The following ARMH3 variants were observed in gnomAD, a reference collection of about 807,000 sequenced individuals.
The protein encoded by ARMH3 is armadillo like helical domain containing 3.
In ARMH3, 60 loss-of-function variants were observed where a neutral mutation model predicts 99.1. That is an observed-to-expected ratio of 0.61 (90% CI 0.49 to 0.75). The LOEUF is 0.75. Among genes scored for constraint, ARMH3 ranks in the 30% least tolerant of loss-of-function variants. ARMH3 has a pLI of 0.00. For missense variants in ARMH3, 679 were observed against 843.1 expected, an observed-to-expected ratio of 0.81 and a Z score of 2.41; for synonymous variants, 285 against 292.8, an observed-to-expected ratio of 0.97 and a Z score of 0.27.
At chr10:101,955,168 T>C (rs1216457442) in intron 22 of ARMH3, among the ~76,000 whole-genome samples, 3 of 152,180 alleles carry the variant, frequency 2.0e-5, no homozygotes, top group African/African-American at 7.2e-5. Flanking sequence ...AGAGTTCTTA[T>C]GTAAGGCTGC....
chr10:102,021,019 T>A (rs1008211141), intron 8 of ARMH3, among the ~76,000 whole-genome samples: 2 of 152,182 alleles, frequency 1.3e-5, no homozygotes, highest in Non-Finnish European at 2.9e-5. Flanking sequence ...TCATGTTTCA[T>A]GAAGATCAAC....
rs1394012911 is a variant in ARMH3, at chr10:102,040,049, C to T, written c.66G>A (p.Lys22=). 6.2e-7 allele frequency: 1 copy of T among 1,614,160 alleles called. No individual in the cohort carries two copies. The highest frequency in any genetic ancestry group is 1.3e-5 in the African/African-American group (1 of 75,038). The stretch of plus-strand genomic sequence containing the variant: ...CATCATACATCAGCACCACTTTTTC[C>T]TTCAGTGGTTTTTTGGAGGCTGAAG... ...RKSSASKKPL[K]EKVVLMYDEI... is the part of the protein sequence containing the mutation. The change falls in exon 2 of 26, where the codon AAG becomes AAA. Residue 22 remains lysine, a synonymous_variant. Transcript: ENST00000370033.
chr10:102,001,690 CT>C (rs1311745456), intron 15 of ARMH3, among the ~76,000 whole-genome samples: 1 of 152,178 alleles, frequency 6.6e-6, no homozygotes, highest in Non-Finnish European at 1.5e-5. Context: ...TCTGCATCTA[CT>C]TACCAAGATC....
At chr10:101,905,479 C>CAG (rs1371345489) in intron 23 of ARMH3, among the ~76,000 whole-genome samples, 1 of 152,160 alleles carries the variant, frequency 6.6e-6, no homozygotes, top group Non-Finnish European at 1.5e-5. Flanking sequence ...CATTCTCTCT[C>CAG]AAAGAATCCA....
At chr10:102,053,214 TAAAAAAAA>T (rs1191838493) in intron 1 of ARMH3, among the ~76,000 whole-genome samples, 12 of 49,008 alleles carry the variant, frequency 2.4e-4, no homozygotes, top group African/African-American at 3.2e-4. Flanking sequence ...CCTCAGAAGC[TAAAAAAAA>T]AAAAAAAAAA....
chr10:101,852,189 G>A (rs1228565629), intron 24 of ARMH3, among the ~76,000 whole-genome samples: 2 of 152,246 alleles, frequency 1.3e-5, no homozygotes, highest in South Asian at 2.1e-4. Context: ...CAAACATCAT[G>A]CTAAAGTCAA....
chr10:101,981,365 T>C (rs1846226455), intron 19 of ARMH3, among the ~76,000 whole-genome samples: 1 of 152,120 alleles, frequency 6.6e-6, no homozygotes, highest in South Asian at 2.1e-4. Context: ...GGCTCACGCC[T>C]GTAATCCTAG....
intron 24 of ARMH3, 26 bp from the exon 25 acceptor site, chr10:101,849,918 G>A (rs780997673): frequency 1.9e-6 from 3 of 1,602,950 alleles, no homozygotes; most frequent in South Asian, 1.1e-5. Context: ...GGCCAGGCAG[G>A]GCTTAGGCCA....
chr10:102,011,657 T>C, intron 11 of ARMH3, 66 bp downstream of exon 11: 3 of 1,364,216 alleles, frequency 2.2e-6, no homozygotes, highest in Non-Finnish European at 3.1e-6. Flanking sequence ...GGAGCCCGAT[T>C]TGTCCACCCC....
At chr10:101,966,125 CAG>C (rs1845526598) in intron 20 of ARMH3, among the ~76,000 whole-genome samples, 1 of 123,602 alleles carries the variant, frequency 8.1e-6, no homozygotes, top group Non-Finnish European at 1.6e-5. Context: ...TTTTTTTAGA[CAG>C]AGTCTCACTC....
chr10:101,857,722 C>G (rs1015713092), intron 24 of ARMH3, among the ~76,000 whole-genome samples: 1 of 152,230 alleles, frequency 6.6e-6, no homozygotes, highest in African/African-American at 2.4e-5. Flanking sequence ...ATGACCTACT[C>G]AGGGCATTGC....
chr10:101,969,169 T>C (rs1388643711), intron 20 of ARMH3, among the ~76,000 whole-genome samples: 1 of 152,168 alleles, frequency 6.6e-6, no homozygotes, highest in East Asian at 1.9e-4. Flanking sequence ...GATACTCTCT[T>C]CAAAACTAAA....
chr10:101,850,090 C>CTCTCT (rs752507279), intron 24 of ARMH3, among the ~76,000 whole-genome samples, 198 bp from the exon 25 acceptor site: 2 of 91,308 alleles, frequency 2.2e-5, no homozygotes, highest in African/African-American at 4.6e-5. Context: ...CTCTCTCTCT[C>CTCTCT]TTTTTTTTTT....
chr10:101,849,958 T>G (rs2066551128), intron 24 of ARMH3, 66 bp from the exon 25 acceptor site: 2 of 1,426,424 alleles, frequency 1.4e-6, no homozygotes, highest in Non-Finnish European at 9.8e-7. Flanking sequence ...AGCCCCATTC[T>G]GCTGATCTAC....
chr10:101,864,078 A>AACAT (rs2066939650), intron 24 of ARMH3, among the ~76,000 whole-genome samples: 2 of 106,284 alleles, frequency 1.9e-5, no homozygotes, highest in African/African-American at 6.8e-5. Context: ...AAAAAAAAAA[A>AACAT]ACACACACAC....
At chr10:101,886,962 AC>A (rs1338569870) in intron 24 of ARMH3, among the ~76,000 whole-genome samples, 1 of 152,224 alleles carries the variant, frequency 6.6e-6, no homozygotes, top group African/African-American at 2.4e-5. Context: ...TCTGCTGCTA[AC>A]AACTGCAGGG....
At chr10:101,929,697 T>TG (rs1417992919) in intron 23 of ARMH3, among the ~76,000 whole-genome samples, 1 of 151,882 alleles carries the variant, frequency 6.6e-6, no homozygotes, top group Admixed American at 6.6e-5. Flanking sequence ...CAAAAAATAG[T>TG]GAAAAAAAAT....
At chr10:102,010,081 T>A in intron 11 of ARMH3, 58 bp from the exon 12 acceptor site, 1 of 1,528,256 alleles carries the variant, frequency 6.5e-7, no homozygotes, top group Non-Finnish European at 9.0e-7. Flanking sequence ...AGGAGCTTTA[T>A]GCCTAGGAAG....
At chr10:102,016,627 T>C (rs1288794957) in intron 8 of ARMH3, among the ~76,000 whole-genome samples, 2 of 152,222 alleles carry the variant, frequency 1.3e-5, no homozygotes, top group Non-Finnish European at 2.9e-5. Context: ...TCTGAGTCAC[T>C]TCATCTCAGG....
Sources: gnomAD v4.1 joint callset for allele counts (sites outside exome capture counted in the v4.1 genomes callset) on GRCh38, gnomAD v4.1.1 for gene constraint, MANE v1.5 for transcripts, NCBI Gene and HGNC (gene_info 2026-07-23, HGNC 2026-07-21) for gene names.